Variants in TRPM3 observed in about 807,000 individuals in gnomAD.
TRPM3 encodes long transient receptor potential channel 3.
Under a neutral mutation model 181.2 loss-of-function variants are expected in TRPM3, and 77 were observed. That is an observed-to-expected ratio of 0.42 (90% CI 0.35 to 0.51). TRPM3 has a LOEUF of 0.51. Among genes scored for constraint, TRPM3 ranks in the 20% least tolerant of loss-of-function variants. TRPM3 has a pLI of 0.01. For synonymous variants in TRPM3, 745 were observed against 796.4 expected (o/e 0.94, Z 1.09); for missense variants, 1,759 against 2,196.7 (o/e 0.80, Z 3.98).
intron 22 of TRPM3, among the ~76,000 whole-genome samples, chr9:70,584,095 A>G (rs2056601788): frequency 2.0e-5 from 3 of 152,078 alleles, no homozygotes; most frequent in South Asian, 2.1e-4. Context: ...GCTAGAGTGC[A>G]GTGGCGCAAT....
At chr9:70,654,859 A>G (rs1161691412) in intron 9 of TRPM3, among the ~76,000 whole-genome samples, 1 of 150,946 alleles carries the variant, frequency 6.6e-6, no homozygotes, top group East Asian at 2.0e-4. Context: ...TTTTTTTTGT[A>G]TTTTTAGTAG....
At chr9:71,262,356 G>A (rs2083117224) in intron 1 of TRPM3, among the ~76,000 whole-genome samples, 2 of 152,162 alleles carry the variant, frequency 1.3e-5, no homozygotes, top group African/African-American at 4.8e-5. Context: ...AATGGCGGAC[G>A]TCCCTCCCCC....
intron 9 of TRPM3, among the ~76,000 whole-genome samples, chr9:70,673,822 A>G (rs1856653): frequency 0.66 from 99,566 of 151,634 alleles, 33,114 homozygotes; most frequent in African/African-American, 0.76. Flanking sequence ...GGTGGTGGGC[A>G]CCTGTAATTC....
rs2088347509 is a variant in TRPM3 at position 71,314,473 on chromosome 9, G to A, written c.183+132180C>T. 2.0e-5 allele frequency among the ~76,000 whole-genome samples: 3 copies of A among 152,042 alleles called. No individual in the cohort carries two copies. In the South Asian group the frequency reaches 6.2e-4, roughly 32 times the overall value. On this transcript the variant is annotated intron_variant, in intron 1 of 24. Transcript: ENST00000357533. The stretch of plus-strand genomic sequence containing the variant: ...TTTAAAATTGGGAAAATTATTTTTG[G>A]CCCCATACCTACCCTATTAATCCCA...
At chr9:70,975,158 G>A (rs981470629) in intron 1 of TRPM3, among the ~76,000 whole-genome samples, 16 of 152,182 alleles carry the variant, frequency 1.1e-4, no homozygotes, top group Non-Finnish European at 2.1e-4. Flanking sequence ...GTGAGCCACC[G>A]CACCCCGCCT....
chr9:70,872,797 C>A (rs1264760014), intron 1 of TRPM3, among the ~76,000 whole-genome samples: 1 of 151,900 alleles, frequency 6.6e-6, no homozygotes, highest in African/African-American at 2.4e-5. Flanking sequence ...ACATGGTTAG[C>A]ACATAGAGGA....
At chr9:71,363,781 T>A (rs1471815694) in intron 1 of TRPM3, among the ~76,000 whole-genome samples, 2 of 152,086 alleles carry the variant, frequency 1.3e-5, no homozygotes, top group Non-Finnish European at 2.9e-5. Flanking sequence ...CCATAATACA[T>A]CACACTAGAT....
chr9:70,913,645 A>G lies in TRPM3; in HGVS notation c.178-49134T>C, dbSNP rs569347706. Among the ~76,000 whole-genome samples, 41 of 152,358 alleles carry G rather than the reference A, an allele frequency of 2.7e-4. No individual in the cohort carries two copies. The East Asian group carries it at 6.7e-3, about 25-fold the overall frequency. On this transcript the variant is annotated intron_variant, in intron 1 of 25. Transcript: ENST00000677713. Reference sequence around the variant, plus strand: ...TATTATCAAGTACTAAATGTTCTAGAGGATCATTCATGATGCCCAGTCTTA... The same window carrying G: ...TATTATCAAGTACTAAATGTTCTAGGGGATCATTCATGATGCCCAGTCTTA...
At chr9:70,580,877 C>G (rs1362913944) in intron 22 of TRPM3, among the ~76,000 whole-genome samples, 1 of 152,156 alleles carries the variant, frequency 6.6e-6, no homozygotes, top group African/African-American at 2.4e-5. Flanking sequence ...ATATATATCA[C>G]GCTGATTTGT....
chr9:70,672,399 A>G (rs1421878110), intron 9 of TRPM3, among the ~76,000 whole-genome samples: 1 of 152,196 alleles, frequency 6.6e-6, no homozygotes, highest in African/African-American at 2.4e-5. Context: ...TGTACAGATT[A>G]GTGTCCAAGA....
intron 1 of TRPM3, among the ~76,000 whole-genome samples, chr9:71,135,672 C>T (rs1002003131): frequency 2.6e-5 from 4 of 152,088 alleles, no homozygotes; most frequent in African/African-American, 9.7e-5. Flanking sequence ...GCTAAACTTA[C>T]CTAGAACATT....
intron 1 of TRPM3, among the ~76,000 whole-genome samples, chr9:70,959,376 T>C (rs2097113620): frequency 1.3e-5 from 2 of 151,866 alleles, no homozygotes; most frequent in East Asian, 1.9e-4. Context: ...CCCAACATTC[T>C]GATGTCCAAG....
At chr9:70,896,141 CA>C (rs776489109) in intron 1 of TRPM3, among the ~76,000 whole-genome samples, 33 of 151,974 alleles carry the variant, frequency 2.2e-4, no homozygotes, top group Non-Finnish European at 4.0e-4. Context: ...ACATAGAAAC[CA>C]GAACAGTAAC....
At chr9:71,034,766 T>G (rs1031888662) in intron 1 of TRPM3, among the ~76,000 whole-genome samples, 6 of 151,766 alleles carry the variant, frequency 4.0e-5, no homozygotes, top group Non-Finnish European at 8.8e-5. Flanking sequence ...TTTTTTTTTT[T>G]AGAGAGAGAT....
intron 1 of TRPM3, among the ~76,000 whole-genome samples, chr9:71,441,017 T>C (rs1377619227): frequency 6.6e-6 from 1 of 152,172 alleles, no homozygotes; most frequent in Non-Finnish European, 1.5e-5. Flanking sequence ...ATCATCACAA[T>C]GCAAAGATAT....
At chr9:71,303,335 T>C (rs1291923807) in intron 1 of TRPM3, among the ~76,000 whole-genome samples, 1 of 152,216 alleles carries the variant, frequency 6.6e-6, no homozygotes, top group Non-Finnish European at 1.5e-5. Flanking sequence ...GAGTTAATTA[T>C]AGAAAACAAA....
chr9:70,641,397 G>A (rs1403826359), intron 9 of TRPM3, among the ~76,000 whole-genome samples: 4 of 152,160 alleles, frequency 2.6e-5, no homozygotes. Flanking sequence ...TTTTGCATGG[G>A]GAGGGTGCTC....
At chr9:70,592,203 G>A (rs2058234030) in intron 21 of TRPM3, among the ~76,000 whole-genome samples, 1 of 152,034 alleles carries the variant, frequency 6.6e-6, no homozygotes, top group African/African-American at 2.4e-5. Context: ...TACCCAGTAT[G>A]GCCACAAGGT....
intron 22 of TRPM3, 166 bp downstream of exon 22, chr9:70,590,865 G>C: frequency 2.5e-6 from 2 of 794,816 alleles, no homozygotes; most frequent in Non-Finnish European, 4.0e-6. Context: ...TGCTAAAATT[G>C]TGTATTCACC....
Sources: gnomAD v4.1 joint callset for allele counts (sites outside exome capture counted in the v4.1 genomes callset) on GRCh38, gnomAD v4.1.1 for gene constraint, MANE v1.5 for transcripts, NCBI Gene and HGNC (gene_info 2026-07-23, HGNC 2026-07-21) for gene names.